The following CAMKMT variants were observed in gnomAD, a reference collection of about 807,000 sequenced individuals.
CAMKMT encodes calmodulin-lysine N-methyltransferase.
A neutral mutation model predicts 48.0 loss-of-function variants in CAMKMT; 53 were observed. The ratio of observed to expected loss-of-function variants is 1.10; its 90% CI spans 0.89 to 1.39. CAMKMT has a LOEUF of 1.39. Ranked by LOEUF, CAMKMT falls within the 40% of genes most tolerant of loss-of-function variation. The probability of loss-of-function intolerance (pLI) is 0.00; values close to 1 mark genes in which losing one functional copy is unlikely to be tolerated. For synonymous variants in CAMKMT, 165 were observed against 152.3 expected (o/e 1.08, Z -0.61); for missense variants, 428 against 402.7 (o/e 1.06, Z -0.54).
intron 9 of CAMKMT, among the ~76,000 whole-genome samples, chr2:44,763,672 C>T (rs1348934211): frequency 3.9e-5 from 6 of 152,118 alleles, no homozygotes; most frequent in African/African-American, 1.4e-4. Context: ...GGGCTGCGTT[C>T]TGAACAGGGT....
intron 3 of CAMKMT, among the ~76,000 whole-genome samples, chr2:44,517,928 C>T (rs763319423): frequency 2.0e-5 from 3 of 152,128 alleles, no homozygotes; most frequent in Admixed American, 6.6e-5. Context: ...TTCAATACCC[C>T]GTCTCCATAC....
chr2:44,375,857 C>G (rs1679637543), intron 2 of CAMKMT, among the ~76,000 whole-genome samples: 1 of 151,994 alleles, frequency 6.6e-6, no homozygotes, highest in African/African-American at 2.4e-5. Flanking sequence ...CCATTCTCAG[C>G]TTACTGCAAC....
Position 44,618,645 on chromosome 2 carries a change from A to G in CAMKMT, c.377-85638A>G, listed in dbSNP as rs1329667626. Among the ~76,000 whole-genome samples the G allele has an allele frequency of 6.6e-6, 1 of 152,172 alleles. No homozygotes were observed. Among genetic ancestry groups the G allele is most frequent in the Non-Finnish European group, 1.5e-5 (1 of 68,036 alleles). On this transcript the variant is annotated intron_variant, in intron 3 of 10. Coordinates refer to ENST00000378494, the MANE Select transcript of CAMKMT (RefSeq NM_024766.5). The surrounding 1 kb of genome is among the most constrained non-coding windows in gnomAD (Gnocchi z 4.0). ...CTGTCAGGAGCAAGTTGATGACTTA[A>G]TAGTCTTTCTTGAGTGGATTTGAGC...
intron 3 of CAMKMT, among the ~76,000 whole-genome samples, chr2:44,399,948 G>A (rs1022666353): frequency 6.6e-6 from 1 of 152,138 alleles, no homozygotes; most frequent in Non-Finnish European, 1.5e-5. Flanking sequence ...AATTATATGT[G>A]TATGTTTAGA....
At chr2:44,655,192 T>G (rs1340435402) in intron 3 of CAMKMT, among the ~76,000 whole-genome samples, 2 of 152,202 alleles carry the variant, frequency 1.3e-5, no homozygotes, top group Non-Finnish European at 2.9e-5. Context: ...ACTTAGTACT[T>G]AATTTTGGCT....
intron 3 of CAMKMT, among the ~76,000 whole-genome samples, chr2:44,452,421 A>G (rs1012499838): frequency 8.6e-5 from 13 of 152,042 alleles, no homozygotes; most frequent in Admixed American, 3.3e-4. Context: ...TCTTCATTCA[A>G]CTGTTTGCCA....
At chr2:44,684,772 A>C (rs1334267368) in intron 3 of CAMKMT, among the ~76,000 whole-genome samples, 1 of 152,160 alleles carries the variant, frequency 6.6e-6, no homozygotes, top group Non-Finnish European at 1.5e-5. Flanking sequence ...TCCCCAGAGG[A>C]TCTATCCTGT....
chr2:44,407,327 T>A (rs1424957227), intron 3 of CAMKMT, among the ~76,000 whole-genome samples: 1 of 152,188 alleles, frequency 6.6e-6, no homozygotes, highest in Non-Finnish European at 1.5e-5. Flanking sequence ...TCAAGGCTTG[T>A]GGTAGGGCCT....
chr2:44,673,513 GGAAGGAA>G (rs1174298903), intron 3 of CAMKMT, among the ~76,000 whole-genome samples: 1 of 100,740 alleles, frequency 9.9e-6, no homozygotes, highest in Admixed American at 1.2e-4. Flanking sequence ...AAGGAAGGAA[GGAAGGAA>G]GGAGGGAAGG....
chr2:44,643,398 T>C (rs1318972205), intron 3 of CAMKMT, among the ~76,000 whole-genome samples: 1 of 152,124 alleles, frequency 6.6e-6, no homozygotes, highest in African/African-American at 2.4e-5. Context: ...ATGGACTATA[T>C]TGAAGTTATC....
At chr2:44,373,856 G>A (rs1193095002) in intron 2 of CAMKMT, among the ~76,000 whole-genome samples, 1 of 152,066 alleles carries the variant, frequency 6.6e-6, no homozygotes, top group Admixed American at 6.5e-5. Flanking sequence ...GGGCGCAGTG[G>A]CTCATGCCTG....
intron 3 of CAMKMT, among the ~76,000 whole-genome samples, chr2:44,471,610 TTAAC>T (rs1452222308): frequency 6.6e-6 from 1 of 151,824 alleles, no homozygotes; most frequent in Non-Finnish European, 1.5e-5. Flanking sequence ...AGAAAAAAAA[TTAAC>T]TAACAAAAGA....
chr2:44,736,472 C>T (rs992054176), intron 7 of CAMKMT, among the ~76,000 whole-genome samples: 2 of 152,048 alleles, frequency 1.3e-5, no homozygotes, highest in South Asian at 2.1e-4. Context: ...TTAGGCAATT[C>T]GATTATTATT....
chr2:44,565,915 T>C (rs1489204409), intron 3 of CAMKMT, among the ~76,000 whole-genome samples: 11 of 152,196 alleles, frequency 7.2e-5, no homozygotes, highest in Non-Finnish European at 1.5e-5. Flanking sequence ...TCACTTGCCC[T>C]ACAATATTGT....
chr2:44,497,935 G>A (rs1274809389), intron 3 of CAMKMT, among the ~76,000 whole-genome samples: 1 of 152,028 alleles, frequency 6.6e-6, no homozygotes, highest in Admixed American at 6.6e-5. Flanking sequence ...GTAGGGAGTA[G>A]GTTTGTAAAT....
chr2:44,554,666 G>C (rs1667911984), intron 3 of CAMKMT, among the ~76,000 whole-genome samples: 1 of 152,108 alleles, frequency 6.6e-6, no homozygotes, highest in African/African-American at 2.4e-5. Flanking sequence ...AGCCCAGGAA[G>C]TCAAGATCAG....
At chr2:44,494,677 T>G (rs1444774579) in intron 3 of CAMKMT, among the ~76,000 whole-genome samples, 3 of 152,238 alleles carry the variant, frequency 2.0e-5, no homozygotes, top group Non-Finnish European at 4.4e-5. Flanking sequence ...ATGGATTCTT[T>G]TAAAGAACAC....
At chr2:44,613,371 A>G in intron 3 of CAMKMT, among the ~76,000 whole-genome samples, 1 of 152,112 alleles carries the variant, frequency 6.6e-6, no homozygotes, top group East Asian at 1.9e-4. Flanking sequence ...AAACCTCCAG[A>G]TCTCCCTGTG....
chr2:44,418,997 T>C (rs1683752094), intron 3 of CAMKMT, among the ~76,000 whole-genome samples: 1 of 152,220 alleles, frequency 6.6e-6, no homozygotes, highest in South Asian at 2.1e-4. Flanking sequence ...ATTTTAAAAA[T>C]AATATTTTAA....
Sources: gnomAD v4.1 joint callset for allele counts (sites outside exome capture counted in the v4.1 genomes callset) on GRCh38, gnomAD v4.1.1 for gene constraint, Gnocchi (gnomAD v3.1) non-coding constraint, MANE v1.5 for transcripts, NCBI Gene and HGNC (gene_info 2026-07-23, HGNC 2026-07-21) for gene names.